NUP155: variants seen among roughly 807,000 people sequenced by gnomAD.
The protein encoded by NUP155 is nuclear pore complex protein Nup155.
In NUP155, 71 loss-of-function variants were observed where a neutral mutation model predicts 180.4. The ratio of observed to expected loss-of-function variants is 0.39; its 90% CI spans 0.33 to 0.48. The LOEUF (loss-of-function observed/expected upper bound fraction) is 0.48, where lower values mean the gene tolerates loss of function less well. Ranked by LOEUF, NUP155 falls within the 20% of genes least tolerant of loss-of-function variation. NUP155 has a pLI of 0.91. For synonymous variants in NUP155, 582 were observed against 559.5 expected, an observed-to-expected ratio of 1.04 and a Z score of -0.57; for missense variants, 1,553 against 1,648.9, an observed-to-expected ratio of 0.94 and a Z score of 1.01.
intron 34 of NUP155, 43 bp downstream of exon 34, chr5:37,292,836 C>G (rs1295900714): frequency 8.0e-7 from 1 of 1,249,484 alleles, no homozygotes. Context: ...TTATTAGAAG[C>G]ATTTAAAAGC....
At chr5:37,351,592 G>A (rs541776025) in intron 5 of NUP155, among the ~76,000 whole-genome samples, 6 of 151,594 alleles carry the variant, frequency 4.0e-5, no homozygotes, top group African/African-American at 1.2e-4. Flanking sequence ...GACTACAGGC[G>A]CCCGCCACCA....
At chr5:37,294,210 C>A in intron 33 of NUP155, 119 bp downstream of exon 33, 1 of 686,210 alleles carries the variant, frequency 1.5e-6, no homozygotes. Context: ...CAAGACTCAA[C>A]CAAGTGTAAT....
rs1744978478 is a variant in NUP155, at chr5:37,331,798, A to G, written c.1519-3T>C. 6.5e-7 allele frequency: 1 copy of G among 1,542,004 alleles called. No individual in the cohort carries two copies. Among genetic ancestry groups the G allele is most frequent in the Non-Finnish European group, 8.9e-7 (1 of 1,117,358 alleles). ...AGTTTATGAAACATAAGGCTCCCCTAAGAAATTTGAAGAAAGAACATGAAC... is the reference window on the plus strand; with the variant it reads ...AGTTTATGAAACATAAGGCTCCCCTGAGAAATTTGAAGAAAGAACATGAAC... On this transcript the variant is annotated splice_polypyrimidine_tract_variant and splice_region_variant and intron_variant, in intron 13 of 34. Transcript: ENST00000231498.
chr5:37,341,054 A>G, intron 11 of NUP155, 36 bp downstream of exon 11: 1 of 1,478,494 alleles, frequency 6.8e-7, no homozygotes, highest in Non-Finnish European at 9.4e-7. Flanking sequence ...AATTTTAAGA[A>G]TATAATCTTA....
At chr5:37,328,492 G>C (rs1172130852) in intron 16 of NUP155, 72 bp from the exon 17 acceptor site, 2 of 1,138,070 alleles carry the variant, frequency 1.8e-6, no homozygotes, top group East Asian at 4.8e-5. Context: ...TCAAAATTAG[G>C]TAAAGAAGGT....
intron 20 of NUP155, among the ~76,000 whole-genome samples, chr5:37,321,346 C>CA (rs1182604369): frequency 6.7e-6 from 1 of 149,430 alleles, no homozygotes; most frequent in Non-Finnish European, 1.5e-5. Context: ...ACTCTGTCTC[C>CA]AAAAAAACCA....
At chr5:37,309,452 CTT>C (rs1393619707) in intron 23 of NUP155, 185 bp from the exon 24 acceptor site, 5 of 572,498 alleles carry the variant, frequency 8.7e-6, no homozygotes, top group Admixed American at 6.1e-5. Context: ...CCTAGCTATT[CTT>C]AATTCCTCTC....
chr5:37,317,268 T>A (rs931772988), intron 21 of NUP155, among the ~76,000 whole-genome samples: 2 of 152,010 alleles, frequency 1.3e-5, no homozygotes, highest in Non-Finnish European at 2.9e-5. Flanking sequence ...GCGGACGGGA[T>A]CACCTGAGGT....
intron 20 of NUP155, among the ~76,000 whole-genome samples, chr5:37,320,492 AAG>A (rs945991343): frequency 5.3e-5 from 8 of 152,062 alleles, no homozygotes; most frequent in Admixed American, 1.3e-4. Context: ...TAAAAAGAAA[AAG>A]AGAGAGAGAG....
chr5:37,309,781 G>A (rs987157482), intron 23 of NUP155, among the ~76,000 whole-genome samples: 3 of 151,988 alleles, frequency 2.0e-5, no homozygotes, highest in South Asian at 2.1e-4. Flanking sequence ...TGGGCCAGGC[G>A]CAGAGGCTCA....
intron 3 of NUP155, among the ~76,000 whole-genome samples, chr5:37,359,082 G>A (rs1292328935): frequency 6.6e-6 from 1 of 151,552 alleles, no homozygotes; most frequent in African/African-American, 2.4e-5. Flanking sequence ...GGTGAGGCAG[G>A]AGCCCAGGAG....
intron 1 of NUP155, among the ~76,000 whole-genome samples, chr5:37,365,612 G>A (rs1469874014): frequency 6.7e-6 from 1 of 149,058 alleles, no homozygotes; most frequent in Non-Finnish European, 1.5e-5. Flanking sequence ...GGAGGCTGAG[G>A]CAGGAGAACT....
chr5:37,320,081 C>T (rs1007129683), intron 20 of NUP155, among the ~76,000 whole-genome samples: 6 of 151,730 alleles, frequency 4.0e-5, no homozygotes, highest in Non-Finnish European at 8.8e-5. Flanking sequence ...GCTACTCAGG[C>T]GGCTGAGTCT....
chr5:37,346,608 G>A (rs1404788290), intron 9 of NUP155, among the ~76,000 whole-genome samples: 1 of 151,974 alleles, frequency 6.6e-6, no homozygotes, highest in African/African-American at 2.4e-5. Flanking sequence ...GGAGGTGGAG[G>A]TTGTAGGGAG....
At chr5:37,347,696 CAAAA>C (rs546371065) in intron 9 of NUP155, among the ~76,000 whole-genome samples, 1 of 54,928 alleles carries the variant, frequency 1.8e-5, no homozygotes, top group African/African-American at 6.4e-5. Flanking sequence ...AACTCCATCT[CAAAA>C]AAAAAAAAAA....
chr5:37,312,509 C>T (rs904514721), intron 22 of NUP155, among the ~76,000 whole-genome samples: 1 of 152,020 alleles, frequency 6.6e-6, no homozygotes. Flanking sequence ...AAGAGAAAAA[C>T]AAATTCCATG....
At chr5:37,330,727 C>CAAAA (rs1744901558) in intron 14 of NUP155, among the ~76,000 whole-genome samples, 1 of 151,774 alleles carries the variant, frequency 6.6e-6, no homozygotes, top group African/African-American at 2.4e-5. Context: ...GTCATTAAGC[C>CAAAA]AAAACAAACA....
At chr5:37,344,791 G>C (rs1745967980) in intron 9 of NUP155, among the ~76,000 whole-genome samples, 1 of 151,056 alleles carries the variant, frequency 6.6e-6, no homozygotes, top group Admixed American at 6.6e-5. Context: ...AGAACTGCTT[G>C]AACCCGGGAG....
intron 29 of NUP155, among the ~76,000 whole-genome samples, chr5:37,302,133 C>T (rs1742896147): frequency 1.3e-5 from 2 of 152,144 alleles, no homozygotes; most frequent in South Asian, 4.1e-4. Flanking sequence ...GGAATTTTAG[C>T]CTACTCTACT....
Sources: gnomAD v4.1 joint callset for allele counts (sites outside exome capture counted in the v4.1 genomes callset) on GRCh38, gnomAD v4.1.1 for gene constraint, MANE v1.5 for transcripts, NCBI Gene and HGNC (gene_info 2026-07-23, HGNC 2026-07-21) for gene names.